Variants in KCNMA1 observed in about 807,000 individuals in gnomAD.
KCNMA1 encodes potassium calcium-activated channel subfamily M alpha 1.
Under a neutral mutation model 140.0 loss-of-function variants are expected in KCNMA1, and 29 were observed. The ratio of observed to expected loss-of-function variants is 0.21; its 90% CI spans 0.15 to 0.28. The LOEUF (loss-of-function observed/expected upper bound fraction) is 0.28, where lower values mean the gene tolerates loss of function less well. Among genes scored for constraint, KCNMA1 ranks in the 10% least tolerant of loss-of-function variants. KCNMA1 has a pLI of 1.00. For synonymous variants in KCNMA1, 612 were observed against 611.9 expected, an observed-to-expected ratio of 1.00 and a Z score of 0.00; for missense variants, 880 against 1,602.2, an observed-to-expected ratio of 0.55 and a Z score of 7.70.
chr10:77,568,107 A>C (rs1397077804), intron 1 of KCNMA1, among the ~76,000 whole-genome samples: 1 of 152,246 alleles, frequency 6.6e-6, no homozygotes, highest in Admixed American at 6.5e-5. Context: ...TTACCAATGA[A>C]AAAGAGTCCA....
At chr10:77,417,435 C>T (rs2096767473) in intron 1 of KCNMA1, among the ~76,000 whole-genome samples, 1 of 152,212 alleles carries the variant, frequency 6.6e-6, no homozygotes, top group Admixed American at 6.5e-5. Flanking sequence ...CCAGGCATCA[C>T]TGACGTCTGG....
At chr10:77,040,542 A>AT (rs1350900623) in intron 14 of KCNMA1, among the ~76,000 whole-genome samples, 1 of 152,104 alleles carries the variant, frequency 6.6e-6, no homozygotes, top group Non-Finnish European at 1.5e-5. Context: ...ATCTGATCCT[A>AT]TTTTTTTAGA....
intron 20 of KCNMA1, among the ~76,000 whole-genome samples, chr10:76,962,911 C>A (rs767680093): frequency 9.2e-5 from 14 of 152,208 alleles, no homozygotes; most frequent in African/African-American, 1.4e-4. Flanking sequence ...TGATATCTTG[C>A]AACAATTTGT....
chr10:77,479,474 G>A (rs543437872), intron 1 of KCNMA1, among the ~76,000 whole-genome samples: 14 of 152,116 alleles, frequency 9.2e-5, no homozygotes, highest in African/African-American at 2.9e-4. Flanking sequence ...GCCTTTACCA[G>A]CAGAGCCTCC....
At chr10:77,394,422 G>A (rs1423186667) in intron 2 of KCNMA1, among the ~76,000 whole-genome samples, 2 of 152,238 alleles carry the variant, frequency 1.3e-5, no homozygotes, top group Non-Finnish European at 2.9e-5. Context: ...TGCCTGGCCT[G>A]CAGGCCCTGA....
intron 1 of KCNMA1, among the ~76,000 whole-genome samples, chr10:77,422,506 C>T (rs1003386525): frequency 4.6e-5 from 7 of 152,256 alleles, no homozygotes; most frequent in Admixed American, 2.0e-4. Flanking sequence ...CTTTCTCACA[C>T]TGGCAGTAGC....
At chr10:77,163,251 T>C (rs542627196) in intron 5 of KCNMA1, among the ~76,000 whole-genome samples, 1 of 152,236 alleles carries the variant, frequency 6.6e-6, no homozygotes, top group Admixed American at 6.5e-5. Flanking sequence ...TTGTATGAAA[T>C]TCAAATTTCA....
At chr10:76,961,644 T>G (rs764482988) in intron 20 of KCNMA1, among the ~76,000 whole-genome samples, 15 of 152,200 alleles carry the variant, frequency 9.9e-5, no homozygotes, top group Non-Finnish European at 1.8e-4. Context: ...GCAATCTTCA[T>G]TGTTGTCTTA....
At chr10:77,341,188 C>A (rs1465487776) in intron 2 of KCNMA1, among the ~76,000 whole-genome samples, 1 of 152,206 alleles carries the variant, frequency 6.6e-6, no homozygotes, top group African/African-American at 2.4e-5. Context: ...TTGACAACAG[C>A]ACTTATCTCA....
At chr10:77,102,918 G>A (rs921999952) in intron 9 of KCNMA1, among the ~76,000 whole-genome samples, 2 of 152,270 alleles carry the variant, frequency 1.3e-5, no homozygotes, top group South Asian at 4.1e-4. Flanking sequence ...CAGGTTCCGA[G>A]GGTAGTTTGT....
At chr10:76,941,589 G>C (rs888110030) in intron 23 of KCNMA1, among the ~76,000 whole-genome samples, 1 of 152,144 alleles carries the variant, frequency 6.6e-6, no homozygotes, top group Non-Finnish European at 1.5e-5. Flanking sequence ...AAAACAATGG[G>C]ACATAAAGTC....
intron 3 of KCNMA1, among the ~76,000 whole-genome samples, chr10:77,199,865 T>C (rs1474146826): frequency 6.6e-6 from 1 of 152,210 alleles, no homozygotes; most frequent in Non-Finnish European, 1.5e-5. Flanking sequence ...CAGGAGACGG[T>C]GAAGCATCTG....
At chr10:76,990,081 G>A (rs1241428497) in intron 19 of KCNMA1, among the ~76,000 whole-genome samples, 1 of 152,152 alleles carries the variant, frequency 6.6e-6, no homozygotes, top group Non-Finnish European at 1.5e-5. Context: ...CCAGTTTATA[G>A]ATGAGGAAGC....
intron 1 of KCNMA1, among the ~76,000 whole-genome samples, chr10:77,546,147 A>G (rs1264499294): frequency 6.6e-6 from 1 of 152,062 alleles, no homozygotes; most frequent in Non-Finnish European, 1.5e-5. Context: ...ACATTTTCTC[A>G]CTCCCTTCTC....
At chr10:77,253,568 G>A (rs1305022178) in intron 2 of KCNMA1, among the ~76,000 whole-genome samples, 1 of 152,196 alleles carries the variant, frequency 6.6e-6, no homozygotes, top group Non-Finnish European at 1.5e-5. Context: ...GACAGGAGGA[G>A]GCCAGGAATC....
chr10:76,954,284 C>CAT (rs1051679661), intron 20 of KCNMA1, among the ~76,000 whole-genome samples: 1 of 144,626 alleles, frequency 6.9e-6, no homozygotes, highest in Non-Finnish European at 1.6e-5. Context: ...CACACACACA[C>CAT]ACACACACAT....
chr10:77,191,237 A>G (rs2154138187), intron 3 of KCNMA1, among the ~76,000 whole-genome samples: 1 of 152,308 alleles, frequency 6.6e-6, no homozygotes, highest in East Asian at 1.9e-4. Flanking sequence ...CAAATTAGAA[A>G]CTGATATTAT....
chr10:77,030,086 A>G (rs1364842333), intron 15 of KCNMA1, among the ~76,000 whole-genome samples: 1 of 152,216 alleles, frequency 6.6e-6, no homozygotes, highest in Non-Finnish European at 1.5e-5. Flanking sequence ...TCATTCCTAC[A>G]TGTGAGGTTG....
At chr10:77,121,466 T>C (rs956410414) in intron 5 of KCNMA1, among the ~76,000 whole-genome samples, 1 of 152,198 alleles carries the variant, frequency 6.6e-6, no homozygotes. Context: ...GATAACCTTA[T>C]GTCTTTGATG....
Sources: allele counts gnomAD v4.1 joint callset (sites outside exome capture counted in the v4.1 genomes callset), GRCh38; gene constraint gnomAD v4.1.1; transcripts MANE v1.5; gene names NCBI Gene and HGNC (gene_info 2026-07-23, HGNC 2026-07-21).